PTK2B: variants seen among roughly 807,000 people sequenced by gnomAD.
PTK2B encodes protein-tyrosine kinase 2-beta.
PTK2B carries 71 observed loss-of-function variants against 142.9 expected under a neutral mutation model. The observed-to-expected ratio is 0.50, with a 90% CI of 0.41 to 0.61. The LOEUF is 0.61. PTK2B is among the 20% of genes least tolerant of loss of function. The pLI is 0.00. For synonymous variants in PTK2B, 519 were observed against 503.4 expected, an observed-to-expected ratio of 1.03 and a Z score of -0.42; for missense variants, 1,105 against 1,320.4, an observed-to-expected ratio of 0.84 and a Z score of 2.53.
At chr8:27,386,345 CAT>C (rs1472811961) in intron 1 of PTK2B, among the ~76,000 whole-genome samples, 4 of 152,176 alleles carry the variant, frequency 2.6e-5, no homozygotes, top group East Asian at 1.9e-4. Flanking sequence ...AAGATCAACA[CAT>C]GTGAGTTATT....
At chr8:27,441,270 C>A (rs533673530) in intron 21 of PTK2B, among the ~76,000 whole-genome samples, 3 of 152,194 alleles carry the variant, frequency 2.0e-5, no homozygotes, top group Admixed American at 6.5e-5. Context: ...TTTCATGTGT[C>A]ATGAAATATT....
At position 27,420,902 on chromosome 8, in the gene PTK2B, G is replaced by A. The variant is rs529674851; in HGVS notation, c.471+158G>A. Among the ~76,000 whole-genome samples, 16 of 152,300 alleles carry A rather than the reference G, an allele frequency of 1.1e-4. No homozygotes were observed. The South Asian group carries it at 1.7e-3, about 16-fold the overall frequency. Reference sequence around the variant, plus strand: ...GAAGAAGGTCCTTGGTCTATGGTCCGCGGCTCCAACCCTGCTTTTCTCTCA... The same window carrying A: ...GAAGAAGGTCCTTGGTCTATGGTCCACGGCTCCAACCCTGCTTTTCTCTCA... On this transcript the variant is annotated intron_variant, in intron 4 of 30. Transcript: ENST00000346049.
chr8:27,401,141 A>AAAGC (rs1554497649), intron 2 of PTK2B, among the ~76,000 whole-genome samples: 1 of 151,808 alleles, frequency 6.6e-6, no homozygotes, highest in African/African-American at 2.4e-5. Flanking sequence ...TCCATCTCAA[A>AAAGC]AAACAAAGAG....
chr8:27,346,542 T>C (rs1252849013), intron 1 of PTK2B, among the ~76,000 whole-genome samples: 3 of 152,186 alleles, frequency 2.0e-5, no homozygotes, highest in Non-Finnish European at 2.9e-5. Context: ...CCAGACACTG[T>C]CTTGAAAGAG....
intron 1 of PTK2B, among the ~76,000 whole-genome samples, chr8:27,332,883 A>G (rs77489492): frequency 0.015 from 2,322 of 152,324 alleles, 49 homozygotes; most frequent in African/African-American, 0.038. Context: ...CTTCCCCCTA[A>G]TTTGAGGAAT....
intron 17 of PTK2B, 22 bp from the exon 18 acceptor site, chr8:27,437,743 T>A (rs1028263143): frequency 6.3e-7 from 1 of 1,595,768 alleles, no homozygotes; most frequent in African/African-American, 1.3e-5. Context: ...GGGGTCTTGA[T>A]GGCACCTCCC....
At chr8:27,437,035 C>T in intron 15 of PTK2B, 87 bp from the exon 16 acceptor site, 1 of 1,306,464 alleles carries the variant, frequency 7.7e-7, no homozygotes, top group Non-Finnish European at 1.1e-6. Flanking sequence ...GCAGCAAAAT[C>T]TGCAGGAGGC....
intron 1 of PTK2B, among the ~76,000 whole-genome samples, chr8:27,380,460 G>A (rs1487100927): frequency 6.6e-6 from 1 of 152,070 alleles, no homozygotes; most frequent in Non-Finnish European, 1.5e-5. Flanking sequence ...TCCCTACTTT[G>A]GAAGCCTCGT....
chr8:27,337,633 C>T (rs2129871805), intron 1 of PTK2B, among the ~76,000 whole-genome samples: 1 of 152,332 alleles, frequency 6.6e-6, no homozygotes, highest in South Asian at 2.1e-4. Flanking sequence ...GCGACGGCTG[C>T]TTTCACTTAG....
chr8:27,372,882 T>A (rs755422656), intron 1 of PTK2B, among the ~76,000 whole-genome samples: 3 of 152,126 alleles, frequency 2.0e-5, no homozygotes, highest in Non-Finnish European at 2.9e-5. Flanking sequence ...GCACTAGCAT[T>A]TAAAGATTAG....
At chr8:27,325,916 G>A (rs1482300779) in intron 1 of PTK2B, among the ~76,000 whole-genome samples, 1 of 152,136 alleles carries the variant, frequency 6.6e-6, no homozygotes, top group Non-Finnish European at 1.5e-5. Flanking sequence ...GACACTATAG[G>A]GTGTTTCTCC....
intron 1 of PTK2B, among the ~76,000 whole-genome samples, chr8:27,362,728 C>A (rs1300394218): frequency 6.6e-6 from 1 of 152,104 alleles, no homozygotes; most frequent in Non-Finnish European, 1.5e-5. Flanking sequence ...GCCTCGGGAG[C>A]CTGTCTCTGA....
In PTK2B at chr8:27,422,345, C is replaced by T. The variant is rs1357216715; in HGVS notation, c.513C>T (p.Ser171=). The part of the protein sequence containing the change: ...DYMQRYASKV[S]EGMALQLGCL... The stretch of plus-strand genomic sequence containing the variant: ...TGCAGCGCTACGCCAGCAAGGTCAG[C>T]GAGGGCATGGCCCTGCAGCTGGGCT... The change falls in exon 5 of 31, where the codon AGC becomes AGT. Residue 171 remains serine (S), a synonymous_variant. Transcript: ENST00000346049. 8 of 1,613,556 alleles carry T rather than the reference C, an allele frequency of 5.0e-6. No homozygotes were observed. The highest frequency in any genetic ancestry group is 4.0e-5 in the African/African-American group (3 of 74,928).
In PTK2B at chr8:27,436,343, A is replaced by T. The variant is rs764342481; in HGVS notation, c.1336A>T (p.Asn446Tyr). 6.2e-7 allele frequency: 1 copy of T among 1,610,816 alleles called. No individual in the cohort carries two copies. Among genetic ancestry groups the T allele is most frequent in the Admixed American group, 1.7e-5 (1 of 59,988 alleles). ...FGEVYEGVYT[N>Y]HKGEKINVAV... The stretch of plus-strand genomic sequence containing the variant: ...GGAGGTCTATGAAGGTGTCTACACA[A>T]ATCACGTGAGTTCTAGGATCTTCCC... The change falls in exon 15 of 31, where the codon AAT becomes TAT. Residue 446 changes from asparagine to tyrosine, a missense_variant. Physicochemically the swap from Asn to Tyr is moderately radical, Grantham distance 143 (BLOSUM62 -2). Coordinates refer to ENST00000346049, the MANE Select transcript of PTK2B (RefSeq NM_173176.3).
intron 1 of PTK2B, among the ~76,000 whole-genome samples, chr8:27,327,869 A>G (rs1282393839): frequency 2.6e-5 from 4 of 152,208 alleles, no homozygotes; most frequent in African/African-American, 9.6e-5. Context: ...CTGATAATGT[A>G]TGTAAATTGC....
intron 1 of PTK2B, among the ~76,000 whole-genome samples, chr8:27,329,448 AGGGAG>A (rs1803609575): frequency 6.6e-6 from 1 of 152,046 alleles, no homozygotes; most frequent in Non-Finnish European, 1.5e-5. Flanking sequence ...TGGTGAGGCT[AGGGAG>A]GGGAGGGAGG....
At chr8:27,349,726 GAAT>G (rs1804934296) in intron 1 of PTK2B, among the ~76,000 whole-genome samples, 2 of 152,206 alleles carry the variant, frequency 1.3e-5, no homozygotes, top group Non-Finnish European at 2.9e-5. Flanking sequence ...ACAAATTTTA[GAAT>G]AATTTTCTCG....
chr8:27,310,924 G>T (rs573527374), upstream of PTK2B: 1 of 1,612,670 alleles, frequency 6.2e-7, no homozygotes, highest in African/African-American at 1.3e-5. Context: ...GCTGTCCGCG[G>T]TGCAGGCGGC....
chr8:27,342,987 G>A (rs1488560345), intron 1 of PTK2B, among the ~76,000 whole-genome samples: 2 of 152,194 alleles, frequency 1.3e-5, no homozygotes, highest in African/African-American at 2.4e-5. Context: ...ATGGGGAGGA[G>A]GAGGCGTTTG....
Sources: gnomAD v4.1 joint callset for allele counts (sites outside exome capture counted in the v4.1 genomes callset) on GRCh38, gnomAD v4.1.1 for gene constraint, MANE v1.5 for transcripts, NCBI Gene and HGNC (gene_info 2026-07-23, HGNC 2026-07-21) for gene names.